The following ELF1 variants were observed in gnomAD, a reference collection of about 807,000 sequenced individuals.
The protein encoded by ELF1 is ETS-related transcription factor Elf-1.
In ELF1, 24 loss-of-function variants were observed where a neutral mutation model predicts 59.9. The observed-to-expected ratio is 0.40, with a 90% CI of 0.29 to 0.56. ELF1 has a LOEUF of 0.56. Ranked by LOEUF, ELF1 falls within the 20% of genes least tolerant of loss-of-function variation. The probability of loss-of-function intolerance (pLI) is 0.44; values close to 1 mark genes in which losing one functional copy is unlikely to be tolerated. For missense variants in ELF1, 627 were observed against 742.2 expected, an observed-to-expected ratio of 0.84 and a Z score of 1.80; for synonymous variants, 248 against 266.2, an observed-to-expected ratio of 0.93 and a Z score of 0.67.
At chr13:40,977,923 G>A (rs1873013163) in intron 2 of ELF1, among the ~76,000 whole-genome samples, 1 of 152,184 alleles carries the variant, frequency 6.6e-6, no homozygotes, top group Admixed American at 6.5e-5. Flanking sequence ...TATTAACAAA[G>A]GTGGCAGTTT....
chr13:40,984,514 G>A (rs1488536568), intron 1 of ELF1, among the ~76,000 whole-genome samples: 3 of 152,272 alleles, frequency 2.0e-5, no homozygotes, highest in Non-Finnish European at 2.9e-5. Context: ...GCCGTAGTGA[G>A]CCATGATTGC....
chr13:41,043,103 T>C (rs1004048856), intron 1 of ELF1, among the ~76,000 whole-genome samples: 21 of 152,236 alleles, frequency 1.4e-4, no homozygotes, highest in African/African-American at 4.8e-4. Flanking sequence ...AAATGTCTTC[T>C]TTTGAGAAGT....
Position 40,993,702 on chromosome 13 carries a change from C to A in ELF1, c.-228-11420G>T, listed in dbSNP as rs371774357. ...GTCTCATCATCTTGTTGAGGCTGAT[C>A]TCAAACTTCTGAGCTCAAGCAATCC... On this transcript the variant is annotated intron_variant, in intron 1 of 8. Transcript: ENST00000239882. 1.3e-3 allele frequency among the ~76,000 whole-genome samples: 191 copies of A among 152,172 alleles called. 1 individual carries two copies. The highest frequency in any genetic ancestry group is 4.3e-3 in the African/African-American group (179 of 41,506).
At position 40,964,053 on chromosome 13, in the gene ELF1, C is replaced by T. The variant is rs186261816; in HGVS notation, c.73-5037G>A. ...ATAAATAGAAAAAAAATGCACACTC[C>T]TGAAACTCCAGCTGCTGATCTGGGC... On this transcript the variant is annotated intron_variant, in intron 2 of 8. Transcript: ENST00000239882. 2.6e-5 allele frequency among the ~76,000 whole-genome samples: 4 copies of T among 152,238 alleles called. No individual in the cohort carries two copies. In the East Asian group the frequency reaches 7.7e-4, roughly 29 times the overall value.
chr13:41,006,833 C>A (rs746282821), intron 1 of ELF1, among the ~76,000 whole-genome samples: 1 of 152,108 alleles, frequency 6.6e-6, no homozygotes, highest in Non-Finnish European at 1.5e-5. Context: ...AATCTAAAAT[C>A]TTAATGGTAT....
At chr13:40,992,969 T>C (rs1873943333) in intron 1 of ELF1, 2 of 972,896 alleles carry the variant, frequency 2.1e-6, no homozygotes, top group Non-Finnish European at 3.3e-6. Flanking sequence ...TGTTCTGTTC[T>C]TTCTTTAAGT....
chr13:40,962,142 T>A (rs1871863409), intron 2 of ELF1, among the ~76,000 whole-genome samples: 1 of 152,182 alleles, frequency 6.6e-6, no homozygotes, highest in African/African-American at 2.4e-5. Context: ...TCTACCACAG[T>A]GCCCTTCCCA....
At chr13:40,990,360 A>G (rs1049943503) in intron 1 of ELF1, among the ~76,000 whole-genome samples, 2 of 152,176 alleles carry the variant, frequency 1.3e-5, no homozygotes, top group African/African-American at 2.4e-5. Context: ...TTCAAGGGAA[A>G]AATTCACTTT....
At chr13:41,015,301 G>A (rs552659176) in intron 1 of ELF1, among the ~76,000 whole-genome samples, 24 of 151,708 alleles carry the variant, frequency 1.6e-4, no homozygotes, top group East Asian at 9.7e-4. Context: ...AAGGAAAGAC[G>A]GATAGCCACA....
intron 1 of ELF1, among the ~76,000 whole-genome samples, chr13:41,010,510 T>C (rs1054804179): frequency 2.1e-5 from 3 of 141,340 alleles, no homozygotes; most frequent in African/African-American, 7.9e-5. Context: ...TGTGTGTGTG[T>C]GCACACTTTC....
chr13:41,042,003 T>C (rs971181009), intron 1 of ELF1, among the ~76,000 whole-genome samples: 2 of 152,152 alleles, frequency 1.3e-5, no homozygotes, highest in African/African-American at 2.4e-5. Flanking sequence ...CTAAACTCTA[T>C]AGGAGATATT....
Position 41,003,466 on chromosome 13 carries a change from T to G in ELF1, c.-229+15762A>C, listed in dbSNP as rs184592490. 1.7e-3 allele frequency among the ~76,000 whole-genome samples: 231 copies of G among 139,280 alleles called. 3 individuals are homozygous for G. The highest frequency in any genetic ancestry group is 3.5e-3 in the Middle Eastern group (1 of 288). The allele number at this position is 139,280 out of a possible 152,430, so 91.4% of individuals were successfully genotyped here. A position where few individuals can be genotyped will look rare whatever the true frequency, so the allele number is the denominator to read the frequency against. ...AAAAAGACATAGTAACTTCTATCAA[T>G]TTTTGGCTGGAAAAACTGTTAATAT... On this transcript the variant is annotated intron_variant, in intron 1 of 8. Coordinates refer to ENST00000239882, the MANE Select transcript of ELF1 (RefSeq NM_172373.4).
intron 2 of ELF1, among the ~76,000 whole-genome samples, chr13:40,962,997 T>C (rs1003241901): frequency 2.2e-4 from 34 of 152,326 alleles, no homozygotes; most frequent in African/African-American, 7.7e-4. Context: ...TGTGGCCACA[T>C]AGCTGCTGCC....
intron 1 of ELF1, chr13:40,982,910 C>A: frequency 1.0e-6 from 1 of 983,974 alleles, no homozygotes; most frequent in Non-Finnish European, 1.2e-6. Flanking sequence ...GAAATGTATC[C>A]TTATCTCTAG....
At chr13:41,003,526 TCTAAG>T (rs763178189) in intron 1 of ELF1, among the ~76,000 whole-genome samples, 31 of 138,568 alleles carry the variant, frequency 2.2e-4, no homozygotes, top group Non-Finnish European at 3.6e-4. Flanking sequence ...AATGGCCAGA[TCTAAG>T]CTAAAGTCCT....
intron 1 of ELF1, among the ~76,000 whole-genome samples, chr13:41,044,626 C>G (rs1287113435): frequency 6.6e-6 from 1 of 152,180 alleles, no homozygotes; most frequent in Non-Finnish European, 1.5e-5. Context: ...ACCAGCCTTG[C>G]ATTCCCCCGG....
intron 5 of ELF1, among the ~76,000 whole-genome samples, chr13:40,947,284 A>G (rs188977362): frequency 2.5e-4 from 38 of 152,316 alleles, no homozygotes; most frequent in African/African-American, 8.7e-4. Flanking sequence ...TGGCTCATCC[A>G]TGTAATCCCA....
rs745545239 is a variant in ELF1, at chr13:40,949,978, T to C, written c.362-5A>G. ...GTGAACTAAATATATTATTATCTAA[T>C]GAAAATAAAATCAACTAATTATAGT... is the stretch of plus-strand genomic sequence containing the variant. On this transcript the variant is annotated splice_region_variant and splice_polypyrimidine_tract_variant and intron_variant, in intron 4 of 8. Transcript: ENST00000239882. 3 of 1,597,484 alleles carry C rather than the reference T, an allele frequency of 1.9e-6. No homozygotes were observed. Among genetic ancestry groups the C allele is most frequent in the Non-Finnish European group, 2.6e-6 (3 of 1,172,332 alleles).
At chr13:41,045,027 G>C (rs546609780) in intron 1 of ELF1, among the ~76,000 whole-genome samples, 1 of 152,032 alleles carries the variant, frequency 6.6e-6, no homozygotes, top group Non-Finnish European at 1.5e-5. Flanking sequence ...TCTTGGGAGG[G>C]GGTATGTGTC....
Sources: allele counts gnomAD v4.1 joint callset (sites outside exome capture counted in the v4.1 genomes callset), GRCh38; gene constraint gnomAD v4.1.1; transcripts MANE v1.5; gene names NCBI Gene and HGNC (gene_info 2026-07-23, HGNC 2026-07-21).